The following RIMS3 variants were observed in gnomAD, a reference collection of about 807,000 sequenced individuals.
RIMS3 encodes the protein regulating synaptic membrane exocytosis protein 3.
Under a neutral mutation model 29.2 loss-of-function variants are expected in RIMS3, and 15 were observed. That is an observed-to-expected ratio of 0.51 (90% CI 0.34 to 0.79). The LOEUF (loss-of-function observed/expected upper bound fraction) is 0.79, where lower values mean the gene tolerates loss of function less well. RIMS3 is among the 30% of genes least tolerant of loss of function. The pLI, the probability that RIMS3 is intolerant of heterozygous loss-of-function variation, is 0.01. For missense variants in RIMS3, 342 were observed against 421.4 expected (o/e 0.81, Z 1.65); for synonymous variants, 161 against 170.1 (o/e 0.95, Z 0.41).
Position 40,655,824 on chromosome 1 carries a change from G to A in RIMS3, c.-206-7982C>T, listed in dbSNP as rs145106659. Among the ~76,000 whole-genome samples the A allele has an allele frequency of 7.5e-3, 1,147 of 152,282 alleles. 10 individuals carry two copies. The highest frequency in any genetic ancestry group is 0.012 in the Non-Finnish European group (845 of 68,030). On this transcript the variant is annotated intron_variant, in intron 1 of 7. Coordinates refer to ENST00000372684, the MANE Select transcript of RIMS3 (RefSeq NM_014747.3). ...GTTCAAGGCCAGCCTGGCCGATATG[G>A]TCAAACCCCGTCTGGATGGTCAAAC...
At chr1:40,640,958 T>A (rs762560481) in intron 3 of RIMS3, among the ~76,000 whole-genome samples, 2 of 152,236 alleles carry the variant, frequency 1.3e-5, no homozygotes, top group Non-Finnish European at 2.9e-5. Context: ...TACTCTATTA[T>A]GCTTCCCTGG....
At chr1:40,663,300 C>A (rs1243839340) in intron 1 of RIMS3, among the ~76,000 whole-genome samples, 15 of 152,146 alleles carry the variant, frequency 9.9e-5, no homozygotes, top group Admixed American at 9.8e-4. Context: ...TCTTCTGGGG[C>A]CCATGACATT....
chr1:40,688,694 C>A, the RIMS3 span, among the ~76,000 whole-genome samples: 1 of 152,146 alleles, frequency 6.6e-6, no homozygotes, highest in Non-Finnish European at 1.5e-5. Flanking sequence ...ATATTCCCAT[C>A]CACTACAGAG....
intron 3 of RIMS3, among the ~76,000 whole-genome samples, chr1:40,638,578 G>A (rs993607631): frequency 3.4e-4 from 52 of 152,184 alleles, no homozygotes; most frequent in African/African-American, 1.2e-3. Flanking sequence ...ATGGTCCTGA[G>A]CCCTCTCTCT....
intron 4 of RIMS3, 101 bp from the exon 5 acceptor site, chr1:40,633,282 C>T (rs573207710): frequency 2.7e-5 from 22 of 829,438 alleles, no homozygotes; most frequent in Admixed American, 1.6e-4. Flanking sequence ...GCCCTGGGCA[C>T]GTCCCTCTGT....
the RIMS3 span, chr1:40,690,848 C>T: frequency 6.6e-6 from 1 of 152,206 alleles, no homozygotes. Flanking sequence ...TTCCTCTCTG[C>T]GCTTGTTACC....
chr1:40,662,246 C>G (rs1244311310), intron 1 of RIMS3, among the ~76,000 whole-genome samples: 3 of 152,194 alleles, frequency 2.0e-5, no homozygotes, highest in Admixed American at 2.0e-4. Flanking sequence ...CCACGCCAAG[C>G]CTGTTCTCAC....
At chr1:40,631,796 C>A (rs1646490919) in intron 5 of RIMS3, among the ~76,000 whole-genome samples, 1 of 151,994 alleles carries the variant, frequency 6.6e-6, no homozygotes, top group Non-Finnish European at 1.5e-5. Flanking sequence ...TACAGTGAAA[C>A]CCCGTCTCTA....
At chr1:40,671,007 G>A in the RIMS3 span, among the ~76,000 whole-genome samples, 1 of 152,306 alleles carries the variant, frequency 6.6e-6, no homozygotes, top group East Asian at 1.9e-4. Context: ...TTAGTACAAA[G>A]AAAGAGCAGA....
Position 40,652,625 on chromosome 1 carries a change from C to T in RIMS3, c.-206-4783G>A, listed in dbSNP as rs143823897. Among the ~76,000 whole-genome samples the T allele has an allele frequency of 1.0e-3, 156 of 152,216 alleles. 2 individuals are homozygous for T. The East Asian group carries it at 0.02, about 19-fold the overall frequency. On this transcript the variant is annotated intron_variant, in intron 1 of 7. Transcript: ENST00000372684. ...GTTCAGAGGCTGGCGAACACAGCAG[C>T]GCAGTTGGAGAGGAGGTAGGTACAA...
intron 1 of RIMS3, among the ~76,000 whole-genome samples, chr1:40,653,474 C>T (rs139526931): frequency 7.9e-5 from 12 of 152,172 alleles, no homozygotes; most frequent in Non-Finnish European, 1.5e-4. Context: ...GAGGCTAGGG[C>T]GGCACCCTGA....
rs1251544074 is a variant in RIMS3 at position 40,650,202 on chromosome 1, C to T, written c.-206-2360G>A. Among the ~76,000 whole-genome samples, 7 of 152,334 alleles carry T rather than the reference C, an allele frequency of 4.6e-5. No homozygotes were observed. The East Asian group carries it at 1.4e-3, about 29-fold the overall frequency. Reference sequence around the variant, plus strand: ...CAGAACAAGGTTCCTGAAGGCTCCACTAGGGGCCGCTGGGGTCACCCAGCA... The same window carrying T: ...CAGAACAAGGTTCCTGAAGGCTCCATTAGGGGCCGCTGGGGTCACCCAGCA... On this transcript the variant is annotated intron_variant, in intron 1 of 7. Transcript: ENST00000372684.
the RIMS3 span, among the ~76,000 whole-genome samples, chr1:40,684,670 G>T: frequency 6.6e-6 from 1 of 152,226 alleles, no homozygotes; most frequent in African/African-American, 2.4e-5. Context: ...CTAGTCTCTT[G>T]ACAGGCGCAC....
chr1:40,665,420 G>GA lies in RIMS3; in HGVS notation c.-234_-233insT, dbSNP rs1046996081. 10 of 152,482 alleles carry GA rather than the reference G, an allele frequency of 6.6e-5. No homozygotes were observed. The highest frequency in any genetic ancestry group is 1.3e-4 in the Non-Finnish European group (9 of 68,264). The allele number at this position is 152,482 out of a possible 1,614,324, so 9.4% of individuals were successfully genotyped here. A position where few individuals can be genotyped will look rare whatever the true frequency, so the allele number is the denominator to read the frequency against. ...CGGAGGTGGGGCCGGGGTCCAGACA[G>GA]GGAGGGGGCCTCCACAGGCCGAGGC... is the stretch of plus-strand genomic sequence containing the variant. On this transcript the variant is annotated 5_prime_UTR_variant, in exon 1 of 8. Transcript: ENST00000372684.
the RIMS3 span, among the ~76,000 whole-genome samples, chr1:40,689,950 C>T: frequency 1.8e-4 from 28 of 152,210 alleles, no homozygotes; most frequent in Non-Finnish European, 4.0e-4. Context: ...CCTCCAGGAT[C>T]CTAGCTGCAT....
At chr1:40,659,273 G>A (rs564852252) in intron 1 of RIMS3, among the ~76,000 whole-genome samples, 3 of 152,328 alleles carry the variant, frequency 2.0e-5, no homozygotes, top group South Asian at 2.1e-4. Context: ...AAAGTGTGGC[G>A]GGGAAGCAGG....
rs139978373 is a variant in RIMS3, at chr1:40,635,996, C to T, written c.279G>A (p.Val93=). The part of the protein sequence containing the change: ...IRRSTETGIA[V]EMRSRVTRQG... ...GGCGTGTGACCCGGCTCCGCATCTCCACCGCGATGCCTGTCTCCGTGCTCC... is the reference window on the plus strand; with the variant it reads ...GGCGTGTGACCCGGCTCCGCATCTCTACCGCGATGCCTGTCTCCGTGCTCC... The change falls in exon 4 of 8, where the codon GTG becomes GTA. Residue 93 remains valine, a synonymous_variant. Transcript: ENST00000372684. This position sits in a 1 kb window ranked among gnomAD's most constrained non-coding sequence, Gnocchi z 4.1. 2 of 1,609,920 alleles carry T rather than the reference C, an allele frequency of 1.2e-6. No homozygotes were observed. Among genetic ancestry groups the T allele is most frequent in the South Asian group, 1.1e-5 (1 of 91,066 alleles).
At chr1:40,657,575 G>A (rs148436855) in intron 1 of RIMS3, among the ~76,000 whole-genome samples, 1 of 151,884 alleles carries the variant, frequency 6.6e-6, no homozygotes, top group Admixed American at 6.6e-5. Flanking sequence ...GTGAAACCCT[G>A]TCTCTACAAA....
At chr1:40,676,471 C>T in the RIMS3 span, among the ~76,000 whole-genome samples, 57 of 152,148 alleles carry the variant, frequency 3.7e-4, 1 homozygote, top group Admixed American at 3.7e-3. Flanking sequence ...TGATACAATT[C>T]GACTCCTCCT....
Sources: allele counts gnomAD v4.1 joint callset (sites outside exome capture counted in the v4.1 genomes callset), GRCh38; gene constraint gnomAD v4.1.1; non-coding constraint Gnocchi (gnomAD v3.1); transcripts MANE v1.5; gene names NCBI Gene and HGNC (gene_info 2026-07-23, HGNC 2026-07-21).